Variants in TENM2 observed in about 807,000 individuals in gnomAD.
The protein encoded by TENM2 is teneurin-2.
TENM2 carries 52 observed loss-of-function variants against 245.2 expected under a neutral mutation model. The observed-to-expected ratio is 0.21, with a 90% CI of 0.17 to 0.27. The LOEUF (loss-of-function observed/expected upper bound fraction) is 0.27, where lower values mean the gene tolerates loss of function less well. Among genes scored for constraint, TENM2 ranks in the 10% least tolerant of loss-of-function variants. The pLI is 1.00. For synonymous variants in TENM2, 1,363 were observed against 1,438.9 expected (o/e 0.95, Z 1.19); for missense variants, 3,046 against 3,666.8 (o/e 0.83, Z 4.37).
chr5:167,398,008 G>A (rs1163626754), intron 2 of TENM2, among the ~76,000 whole-genome samples: 1 of 152,150 alleles, frequency 6.6e-6, no homozygotes, highest in Non-Finnish European at 1.5e-5. Context: ...CTGTGATGAT[G>A]TAACATACTA....
chr5:167,985,581 G>C (rs1783182702), intron 4 of TENM2, among the ~76,000 whole-genome samples: 1 of 152,148 alleles, frequency 6.6e-6, no homozygotes, highest in Non-Finnish European at 1.5e-5. Context: ...TGAGATTGTG[G>C]GATACGGGGT....
intron 13 of TENM2, among the ~76,000 whole-genome samples, chr5:168,173,038 T>C (rs1182537654): frequency 6.6e-6 from 1 of 152,204 alleles, no homozygotes; most frequent in East Asian, 1.9e-4. Context: ...TCCAAGGTGA[T>C]TCTCCTCCTC....
chr5:167,294,122 A>G (rs1754814684), intron 1 of TENM2: 1 of 152,324 alleles, frequency 6.6e-6, no homozygotes, highest in Non-Finnish European at 1.5e-5. Flanking sequence ...GCTAAGCAAA[A>G]AAAGAAAAGT....
At chr5:167,660,240 A>G (rs1463302680) in intron 2 of TENM2, 2 of 152,272 alleles carry the variant, frequency 1.3e-5, no homozygotes, top group African/African-American at 4.8e-5. Flanking sequence ...AGGCTGGCAG[A>G]TCACGAGGTC....
chr5:168,214,181 T>C (rs904674755), intron 20 of TENM2, among the ~76,000 whole-genome samples: 1 of 152,220 alleles, frequency 6.6e-6, no homozygotes, highest in Non-Finnish European at 1.5e-5. Context: ...TGTGTTTTAG[T>C]CCTGAGCCAC....
intron 5 of TENM2, among the ~76,000 whole-genome samples, chr5:168,019,538 A>G (rs1484924491): frequency 6.6e-6 from 1 of 152,194 alleles, no homozygotes; most frequent in Non-Finnish European, 1.5e-5. Context: ...GGGAAAGGAG[A>G]CATCAGGCAT....
At chr5:167,733,027 T>A (rs761341309) in intron 2 of TENM2, among the ~76,000 whole-genome samples, 10 of 152,108 alleles carry the variant, frequency 6.6e-5, no homozygotes, top group Non-Finnish European at 1.3e-4. Context: ...TCAGGAAATA[T>A]TTTTTTCTGG....
chr5:167,903,304 A>G (rs1775851870), intron 3 of TENM2, among the ~76,000 whole-genome samples: 1 of 152,152 alleles, frequency 6.6e-6, no homozygotes. Flanking sequence ...CTCTAAGCTC[A>G]CGAAGCTTCT....
chr5:168,124,015 A>T (rs1190468713), intron 10 of TENM2, among the ~76,000 whole-genome samples: 1 of 152,208 alleles, frequency 6.6e-6, no homozygotes, highest in African/African-American at 2.4e-5. Flanking sequence ...CTCTGAGTTT[A>T]TTCAAGTTAC....
chr5:167,304,468 T>TAC (rs1444399553), intron 1 of TENM2, among the ~76,000 whole-genome samples: 1 of 152,198 alleles, frequency 6.6e-6, no homozygotes, highest in Non-Finnish European at 1.5e-5. Flanking sequence ...AGTCACTGTG[T>TAC]AGAACAAAAC....
intron 2 of TENM2, among the ~76,000 whole-genome samples, chr5:167,509,117 G>A (rs1197830930): frequency 1.3e-5 from 2 of 152,148 alleles, no homozygotes; most frequent in African/African-American, 2.4e-5. Flanking sequence ...CCCACCCAGC[G>A]ATCTTTTAAT....
chr5:167,013,334 A>G, the TENM2 span, among the ~76,000 whole-genome samples: 1 of 152,170 alleles, frequency 6.6e-6, no homozygotes, highest in Non-Finnish European at 1.5e-5. Flanking sequence ...GTAGCACCCC[A>G]TGTCAAAAGA....
intron 2 of TENM2, among the ~76,000 whole-genome samples, chr5:167,513,450 A>G (rs1304958116): frequency 6.6e-6 from 1 of 152,176 alleles, no homozygotes; most frequent in African/African-American, 2.4e-5. Flanking sequence ...CCGGTTTTAT[A>G]ATGGGCATAT....
At position 167,858,155 on chromosome 5, in the gene TENM2, C is replaced by T. The variant is rs765822356; in HGVS notation, c.503-17831C>T. Among the ~76,000 whole-genome samples the T allele has an allele frequency of 2.6e-5, 4 of 152,224 alleles. 1 individual carries two copies. Among genetic ancestry groups the T allele is most frequent in the Admixed American group, 1.3e-4 (2 of 15,288 alleles). On this transcript the variant is annotated intron_variant, in intron 2 of 28. Transcript: ENST00000518659. Reference sequence around the variant, plus strand: ...GCAAAAGCAAGACACAGCAGGTCAACCTGAGCCCCATCTTCTAAGGCTTAT... The same window carrying T: ...GCAAAAGCAAGACACAGCAGGTCAATCTGAGCCCCATCTTCTAAGGCTTAT...
the TENM2 span, among the ~76,000 whole-genome samples, chr5:167,062,719 A>T: frequency 4.6e-5 from 7 of 152,214 alleles, no homozygotes; most frequent in Non-Finnish European, 1.0e-4. Context: ...AAAAAGAAAC[A>T]AAGAAAATAA....
At chr5:167,838,505 C>T (rs897008551) in intron 2 of TENM2, among the ~76,000 whole-genome samples, 1 of 152,144 alleles carries the variant, frequency 6.6e-6, no homozygotes, top group Non-Finnish European at 1.5e-5. Context: ...TTACTGTCTG[C>T]TTGGAACTCT....
chr5:168,199,739 G>T lies in TENM2; in HGVS notation c.3163-125G>T, dbSNP rs1184730761. The stretch of plus-strand genomic sequence containing the variant: ...TTTTTCTTTCTCAGTGGTGGTAAGT[G>T]GTTCTTGCACCCACATAAGATGTGA... On this transcript the variant is annotated intron_variant, in intron 16 of 28. Transcript: ENST00000518659. 6.2e-6 allele frequency: 6 copies of T among 966,390 alleles called. No individual in the cohort carries two copies. In the East Asian group the frequency reaches 7.2e-5, roughly 12 times the overall value. The allele number at this position is 966,390 out of a possible 1,614,324, so 59.9% of individuals were successfully genotyped here. A position where few individuals can be genotyped will look rare whatever the true frequency, so the allele number is the denominator to read the frequency against.
intron 2 of TENM2, among the ~76,000 whole-genome samples, chr5:167,747,365 C>T (rs1761662360): frequency 6.6e-6 from 1 of 152,138 alleles, no homozygotes; most frequent in Non-Finnish European, 1.5e-5. Context: ...TTGGCAATTT[C>T]TCTATCAAGG....
chr5:168,117,381 T>C (rs1037017167), intron 9 of TENM2, among the ~76,000 whole-genome samples: 1 of 152,218 alleles, frequency 6.6e-6, no homozygotes, highest in African/African-American at 2.4e-5. Context: ...CCTCAGGGGA[T>C]ACATTCCAAG....
Sources: gnomAD v4.1 joint callset for allele counts (sites outside exome capture counted in the v4.1 genomes callset) on GRCh38, gnomAD v4.1.1 for gene constraint, MANE v1.5 for transcripts, NCBI Gene and HGNC (gene_info 2026-07-23, HGNC 2026-07-21) for gene names.